Variants in SLC14A2 observed in about 807,000 individuals in gnomAD.
SLC14A2 encodes urea transporter 2.
A neutral mutation model predicts 104.6 loss-of-function variants in SLC14A2; 91 were observed. The ratio of observed to expected loss-of-function variants is 0.87; its 90% confidence interval spans 0.73 to 1.04. The LOEUF (loss-of-function observed/expected upper bound fraction) is 1.04, where lower values mean the gene tolerates loss of function less well. Among genes scored for constraint, SLC14A2 ranks in the 50% least tolerant of loss-of-function variants. The pLI is 0.00. For synonymous variants in SLC14A2, 476 were observed against 466.4 expected, an observed-to-expected ratio of 1.02 and a Z score of -0.27; for missense variants, 1,189 against 1,156.0, an observed-to-expected ratio of 1.03 and a Z score of -0.41.
intron 1 of SLC14A2, among the ~76,000 whole-genome samples, chr18:45,397,271 A>G (rs759661711): frequency 5.9e-5 from 9 of 152,198 alleles, no homozygotes; most frequent in Non-Finnish European, 1.2e-4. Context: ...AGTAATTTAC[A>G]CTTCCACCAA....
At chr18:45,415,739 A>G (rs1314736972) in intron 1 of SLC14A2, among the ~76,000 whole-genome samples, 1 of 152,128 alleles carries the variant, frequency 6.6e-6, no homozygotes, top group Non-Finnish European at 1.5e-5. Flanking sequence ...AATGGGGCTG[A>G]GTGGAGCTGA....
intron 6 of SLC14A2, among the ~76,000 whole-genome samples, chr18:45,638,029 G>A (rs1023219372): frequency 6.6e-6 from 1 of 152,082 alleles, no homozygotes; most frequent in South Asian, 2.1e-4. Context: ...TCCATTCCAA[G>A]GCCACTCATT....
intron 1 of SLC14A2, among the ~76,000 whole-genome samples, chr18:45,458,418 G>A (rs1160879314): frequency 6.6e-6 from 1 of 152,134 alleles, no homozygotes; most frequent in Non-Finnish European, 1.5e-5. Context: ...ACAGCTATTT[G>A]GCAGGGTACC....
At chr18:45,589,995 C>T (rs1018503042) in intron 2 of SLC14A2, among the ~76,000 whole-genome samples, 19 of 152,162 alleles carry the variant, frequency 1.2e-4, no homozygotes, top group Admixed American at 1.0e-3. Context: ...ATGAGGTGGT[C>T]GCCATCATTC....
At chr18:45,391,641 C>T (rs1397933343) in intron 1 of SLC14A2, among the ~76,000 whole-genome samples, 3 of 152,162 alleles carry the variant, frequency 2.0e-5, no homozygotes, top group African/African-American at 4.8e-5. Context: ...GATGGTATCT[C>T]ATTGTGGTTT....
chr18:45,383,490 T>G lies in SLC14A2; in HGVS notation c.-124-99743T>G, dbSNP rs540669670. On this transcript the variant is annotated intron_variant, in intron 1 of 20. Transcript: ENST00000586448. ...AATCCCAGAGGCTGTTTAGATGGTC[T>G]TAGAGATTACCCAGAGCAACCACTC... Among the ~76,000 whole-genome samples the G allele has an allele frequency of 1.8e-4, 27 of 152,330 alleles. No homozygotes were observed. The South Asian group carries it at 2.7e-3, about 15-fold the overall frequency.
intron 2 of SLC14A2, among the ~76,000 whole-genome samples, chr18:45,606,942 C>G (rs1199431065): frequency 1.3e-5 from 2 of 152,128 alleles, no homozygotes; most frequent in African/African-American, 4.8e-5. Context: ...CCCTCAGTTC[C>G]TGGAGGGCAG....
At chr18:45,439,928 A>G (rs893719928) in intron 1 of SLC14A2, among the ~76,000 whole-genome samples, 1 of 152,162 alleles carries the variant, frequency 6.6e-6, no homozygotes, top group East Asian at 1.9e-4. Flanking sequence ...AAGTAAGACC[A>G]TTTCCTTACA....
chr18:45,241,747 G>A (rs1046451203), intron 1 of SLC14A2, among the ~76,000 whole-genome samples: 1 of 144,016 alleles, frequency 6.9e-6, no homozygotes, highest in Non-Finnish European at 1.5e-5. Flanking sequence ...GGATTCAAAC[G>A]ACTCTCCTGC....
At chr18:45,391,982 T>C (rs2085973689) in intron 1 of SLC14A2, among the ~76,000 whole-genome samples, 1 of 152,240 alleles carries the variant, frequency 6.6e-6, no homozygotes, top group African/African-American at 2.4e-5. Flanking sequence ...TTTGGTATTT[T>C]AGACATGAAG....
chr18:45,625,080 C>T (rs764308083), intron 2 of SLC14A2, among the ~76,000 whole-genome samples: 3 of 152,190 alleles, frequency 2.0e-5, no homozygotes, highest in Non-Finnish European at 4.4e-5. Context: ...CTTAAACCTG[C>T]TCCCTTGAAC....
chr18:45,415,059 C>G (rs1431553726), intron 1 of SLC14A2, among the ~76,000 whole-genome samples: 1 of 151,888 alleles, frequency 6.6e-6, no homozygotes, highest in Non-Finnish European at 1.5e-5. Flanking sequence ...TTTAGACATG[C>G]TGGAAAATTT....
chr18:45,455,426 C>G (rs1015405132), intron 1 of SLC14A2, among the ~76,000 whole-genome samples: 1 of 151,754 alleles, frequency 6.6e-6, no homozygotes. Context: ...TTCTCACTCA[C>G]AAGTGGGAGT....
At chr18:45,452,630 C>T (rs1423006878) in intron 1 of SLC14A2, among the ~76,000 whole-genome samples, 1 of 152,078 alleles carries the variant, frequency 6.6e-6, no homozygotes, top group Non-Finnish European at 1.5e-5. Context: ...TTTCTCTCTC[C>T]AACACCATGG....
chr18:45,677,777 T>G (rs907300302), intron 18 of SLC14A2, among the ~76,000 whole-genome samples: 6 of 152,226 alleles, frequency 3.9e-5, no homozygotes, highest in Non-Finnish European at 7.3e-5. Context: ...ACATTCTACT[T>G]CATGTAACTC....
chr18:45,195,082 C>A, the SLC14A2 span, among the ~76,000 whole-genome samples: 9 of 152,196 alleles, frequency 5.9e-5, no homozygotes, highest in African/African-American at 2.2e-4. Flanking sequence ...GCAGTCCTCT[C>A]CTTACTGAAA....
rs185355076 is a variant in SLC14A2, at chr18:45,570,036, A to G, written c.-34-54595A>G. On this transcript the variant is annotated intron_variant, in intron 2 of 20. Transcript: ENST00000586448. ...TGAAGAAAAAATTGGAACTGTTTCA[A>G]ATGGTTCCAGATAATCAGGAAAAAG... Among the ~76,000 whole-genome samples the G allele has an allele frequency of 5.3e-4, 80 of 152,358 alleles. 1 individual carries two copies. In the East Asian group the frequency reaches 0.014, roughly 26 times the overall value.
intron 1 of SLC14A2, among the ~76,000 whole-genome samples, chr18:45,403,156 T>A (rs1433970386): frequency 6.6e-6 from 1 of 152,214 alleles, no homozygotes; most frequent in Non-Finnish European, 1.5e-5. Flanking sequence ...AGCTGCCTTC[T>A]CACCATGTCC....
At chr18:45,616,964 G>A (rs927075631) in intron 1 of SLC14A2, among the ~76,000 whole-genome samples, 1 of 152,132 alleles carries the variant, frequency 6.6e-6, no homozygotes, top group African/African-American at 2.4e-5. Context: ...TGGGCATGGT[G>A]GTGTGCGCCG....
Sources: gnomAD v4.1 joint callset for allele counts (sites outside exome capture counted in the v4.1 genomes callset) on GRCh38, gnomAD v4.1.1 for gene constraint, MANE v1.5 for transcripts, NCBI Gene and HGNC (gene_info 2026-07-23, HGNC 2026-07-21) for gene names.